Variants in ATL2 observed in about 807,000 individuals in gnomAD.
ATL2 encodes the protein atlastin GTPase 2, also known as atlastin-2.
In ATL2, 31 loss-of-function variants were observed where a neutral mutation model predicts 73.9. The ratio of observed to expected loss-of-function variants is 0.42; its 90% CI spans 0.32 to 0.57. The LOEUF (loss-of-function observed/expected upper bound fraction) is 0.57. ATL2 is among the 20% of genes least tolerant of loss of function. The pLI is 0.14. For synonymous variants in ATL2, 291 were observed against 237.5 expected (o/e 1.23, Z -2.07); for missense variants, 738 against 702.6 (o/e 1.05, Z -0.57).
In ATL2 at chr2:38,299,396, A is replaced by G. The variant is rs371697811; in HGVS notation, c.1129-69T>C. ...GACTCTAAAAATTCTGATTAACACA[A>G]TAAGTTATGTACAATAAACAAGTCT... On this transcript the variant is annotated intron_variant, in intron 10 of 12. Transcript: ENST00000378954. The G allele has an allele frequency of 1.3e-4, 182 of 1,431,586 alleles. No homozygotes were observed. In the African/African-American group the frequency reaches 1.8e-3, roughly 14 times the overall value. 88.7% of individuals were successfully genotyped at this position (1,431,586 alleles called of 1,614,324 possible). A position where few individuals can be genotyped will look rare whatever the true frequency, so the allele number is the denominator to read the frequency against.
chr2:38,318,371 C>T (rs1463541810), intron 4 of ATL2, 164 bp downstream of exon 4: 3 of 432,192 alleles, frequency 6.9e-6, no homozygotes, highest in East Asian at 3.6e-5. Context: ...CTCAGCTACT[C>T]GGGTTAGGAG....
Position 38,310,403 on chromosome 2 carries a change from G to A in ATL2, c.849C>T (p.His283=), listed in dbSNP as rs201917247. The A allele has an allele frequency of 6.2e-7, 1 of 1,612,024 alleles. No individual in the cohort carries two copies. Among genetic ancestry groups the A allele is most frequent in the East Asian group, 2.2e-5 (1 of 44,802 alleles). Reference sequence around the variant, plus strand: ...CAAGATTTGAGAAACAATTGTGTATGTGCTTCCTTACATTCTGAAGCTCTT... The same window carrying A: ...CAAGATTTGAGAAACAATTGTGTATATGCTTCCTTACATTCTGAAGCTCTT... ...QHEELQNVRK[H]IHNCFSNLGC... Residue 283 remains histidine, a synonymous_variant, in exon 8 of 13, where the codon CAC becomes CAT. Transcript: ENST00000378954.
At chr2:38,315,391 T>G (rs1667977794) in intron 4 of ATL2, 57 bp from the exon 5 acceptor site, 1 of 1,470,204 alleles carries the variant, frequency 6.8e-7, no homozygotes, top group Non-Finnish European at 9.0e-7. Flanking sequence ...AATACCCAGC[T>G]TCTGTATAAC....
chr2:38,324,121 CA>C (rs1437158497), intron 2 of ATL2, among the ~76,000 whole-genome samples: 3 of 152,122 alleles, frequency 2.0e-5, no homozygotes, highest in African/African-American at 7.2e-5. Flanking sequence ...ACTAAAAATA[CA>C]AAAAAATTAG....
At chr2:38,377,897 C>T (rs1309985351), upstream of ATL2, among the ~76,000 whole-genome samples, 1 of 152,234 alleles carries the variant, frequency 6.6e-6, no homozygotes, top group Admixed American at 6.5e-5. Context: ...ATTCGCTCCC[C>T]ATCTACTTAT....
chr2:38,340,004 A>G (rs1669612067), intron 2 of ATL2, among the ~76,000 whole-genome samples: 1 of 152,110 alleles, frequency 6.6e-6, no homozygotes, highest in African/African-American at 2.4e-5. Context: ...ATACAGTAGA[A>G]TATTAAAGCA....
chr2:38,362,441 G>C (rs1245387424), intron 1 of ATL2, among the ~76,000 whole-genome samples: 1 of 152,150 alleles, frequency 6.6e-6, no homozygotes, highest in Non-Finnish European at 1.5e-5. Context: ...GTACAACAGT[G>C]AGTCTCACAC....
chr2:38,334,329 C>A (rs1669178498), intron 2 of ATL2, among the ~76,000 whole-genome samples: 1 of 151,806 alleles, frequency 6.6e-6, no homozygotes, highest in African/African-American at 2.4e-5. Flanking sequence ...CGAGCCCAGC[C>A]CAATCCCCTT....
intron 1 of ATL2, among the ~76,000 whole-genome samples, chr2:38,344,482 C>A (rs548893740): frequency 6.6e-6 from 1 of 151,940 alleles, no homozygotes; most frequent in Non-Finnish European, 1.5e-5. Context: ...TGGTAGCGGG[C>A]GCCTGTAGTC....
At chr2:38,368,869 G>C (rs933491392) in intron 1 of ATL2, among the ~76,000 whole-genome samples, 1 of 151,964 alleles carries the variant, frequency 6.6e-6, no homozygotes, top group Non-Finnish European at 1.5e-5. Flanking sequence ...TTGGAGGATC[G>C]CTTAACCCCA....
chr2:38,374,080 G>C (rs537592605), intron 1 of ATL2, among the ~76,000 whole-genome samples: 119 of 152,220 alleles, frequency 7.8e-4, no homozygotes, highest in African/African-American at 2.7e-3. Flanking sequence ...TAGTAGAGAG[G>C]GGGTTTCTCC....
At chr2:38,373,216 A>C (rs983864182) in intron 1 of ATL2, among the ~76,000 whole-genome samples, 2 of 152,186 alleles carry the variant, frequency 1.3e-5, no homozygotes, top group Non-Finnish European at 2.9e-5. Context: ...ATGATTAAAG[A>C]AGCATTGCCG....
At chr2:38,355,645 A>G (rs1294340918) in intron 1 of ATL2, among the ~76,000 whole-genome samples, 1 of 152,166 alleles carries the variant, frequency 6.6e-6, no homozygotes, top group African/African-American at 2.4e-5. Context: ...TACACGAAGC[A>G]AAAATTCAGA....
chr2:38,349,761 G>T (rs1670236656), intron 1 of ATL2, among the ~76,000 whole-genome samples: 1 of 152,050 alleles, frequency 6.6e-6, no homozygotes, highest in Non-Finnish European at 1.5e-5. Context: ...TAGTTGGCCA[G>T]TCACTATGCA....
intron 2 of ATL2, among the ~76,000 whole-genome samples, chr2:38,343,028 G>C (rs148454034): frequency 4.0e-5 from 6 of 149,918 alleles, no homozygotes; most frequent in African/African-American, 7.4e-5. Context: ...CACGCCTGTA[G>C]TCCTAGCTTC....
At chr2:38,305,486 T>C (rs936294061) in intron 9 of ATL2, among the ~76,000 whole-genome samples, 8 of 152,018 alleles carry the variant, frequency 5.3e-5, no homozygotes, top group Non-Finnish European at 1.0e-4. Flanking sequence ...GAGGTAGAGG[T>C]TGCAGTGAGC....
At chr2:38,356,185 C>T (rs1670657280) in intron 1 of ATL2, among the ~76,000 whole-genome samples, 1 of 151,872 alleles carries the variant, frequency 6.6e-6, no homozygotes, top group Non-Finnish European at 1.5e-5. Flanking sequence ...AAAATATTAG[C>T]ATTTCAACCT....
intron 1 of ATL2, among the ~76,000 whole-genome samples, chr2:38,372,361 T>C (rs550465228): frequency 2.0e-5 from 3 of 152,286 alleles, no homozygotes; most frequent in African/African-American, 4.8e-5. Context: ...ATGATTTACA[T>C]TGTATTAGGT....
At chr2:38,371,792 G>A (rs773478136) in intron 1 of ATL2, among the ~76,000 whole-genome samples, 3 of 152,026 alleles carry the variant, frequency 2.0e-5, no homozygotes, top group Non-Finnish European at 4.4e-5. Flanking sequence ...CAGATACTCA[G>A]GGGCTGAGGC....
Sources: gnomAD v4.1 joint callset for allele counts (sites outside exome capture counted in the v4.1 genomes callset) on GRCh38, gnomAD v4.1.1 for gene constraint, MANE v1.5 for transcripts, NCBI Gene and HGNC (gene_info 2026-07-23, HGNC 2026-07-21) for gene names.